POC1B: variants seen among roughly 807,000 people sequenced by gnomAD.
POC1B encodes the protein POC1 centriolar protein homolog B.
Under a neutral mutation model 60.6 loss-of-function variants are expected in POC1B, and 44 were observed. The observed-to-expected ratio is 0.73, with a 90% CI of 0.57 to 0.93. The LOEUF (loss-of-function observed/expected upper bound fraction) is 0.93. Ranked by LOEUF, POC1B falls within the 40% of genes least tolerant of loss-of-function variation. POC1B has a pLI of 0.00. For synonymous variants in POC1B, 180 were observed against 198.9 expected, an observed-to-expected ratio of 0.90 and a Z score of 0.80; for missense variants, 555 against 572.3, an observed-to-expected ratio of 0.97 and a Z score of 0.31.
downstream of POC1B, among the ~76,000 whole-genome samples, chr12:89,415,629 C>T (rs975383880): frequency 1.3e-5 from 2 of 149,014 alleles, no homozygotes; most frequent in South Asian, 2.1e-4. Flanking sequence ...GGCGACACAG[C>T]GAGACTCCGT....
intron 9 of POC1B, among the ~76,000 whole-genome samples, chr12:89,463,745 C>G (rs971085464): frequency 6.6e-6 from 1 of 152,072 alleles, no homozygotes; most frequent in Non-Finnish European, 1.5e-5. Flanking sequence ...ATATTTCATG[C>G]CTTCTTTCAT....
chr12:89,507,966 A>G (rs1196308856), intron 2 of POC1B, among the ~76,000 whole-genome samples: 1 of 152,232 alleles, frequency 6.6e-6, no homozygotes, highest in African/African-American at 2.4e-5. Context: ...TCAGTTGGTA[A>G]TATGTGTACC....
At chr12:89,449,858 A>G (rs577396349) in intron 10 of POC1B, among the ~76,000 whole-genome samples, 17 of 152,192 alleles carry the variant, frequency 1.1e-4, no homozygotes, top group Non-Finnish European at 2.1e-4. Flanking sequence ...ACAGAAGAGA[A>G]AGTCTCCAAA....
At chr12:89,434,138 CTAAATTTGCTGAAT>C (rs1023796651) in intron 10 of POC1B, among the ~76,000 whole-genome samples, 1 of 152,176 alleles carries the variant, frequency 6.6e-6, no homozygotes, top group Non-Finnish European at 1.5e-5. Context: ...GTCCTCCAAA[CTAAATTTGCTGAAT>C]TAAGACTTGT....
chr12:89,499,941 C>A (rs2135745775), intron 2 of POC1B, among the ~76,000 whole-genome samples: 1 of 152,386 alleles, frequency 6.6e-6, no homozygotes, highest in African/African-American at 2.4e-5. Context: ...TTCCAGATCG[C>A]AGCTCTTGCG....
chr12:89,410,604 TGA>T, the POC1B span, among the ~76,000 whole-genome samples: 2 of 149,784 alleles, frequency 1.3e-5, no homozygotes, highest in Non-Finnish European at 3.0e-5. Flanking sequence ...GGCGTGAACC[TGA>T]GAGGCGGAGC....
intron 4 of POC1B, among the ~76,000 whole-genome samples, chr12:89,478,366 G>A (rs376976979): frequency 1.0e-3 from 153 of 152,158 alleles, no homozygotes; most frequent in African/African-American, 3.5e-3. Flanking sequence ...TGATCCACCC[G>A]CCTCAGCCTC....
chr12:89,472,271 A>AC lies in POC1B; in HGVS notation c.456_457insG (p.Ser153ValfsTer11). 1 of 1,538,802 alleles carries AC rather than the reference A, an allele frequency of 6.5e-7. No homozygotes were observed. The highest frequency in any genetic ancestry group is 8.8e-7 in the Non-Finnish European group (1 of 1,139,108). ...GACACAATTAGTCTTCCATCGGGTG[A>AC]AAATCTAGAAAGAAGAAGAAAGAAG... is the stretch of plus-strand genomic sequence containing the variant. On this transcript the variant is annotated frameshift_variant, in exon 5 of 12. Transcript: ENST00000313546. LOFTEE classifies it high-confidence loss of function.
rs902809213 is a variant in POC1B at position 89,514,681 on chromosome 12, T to C, written c.100+10439A>G. 7.2e-5 allele frequency among the ~76,000 whole-genome samples: 11 copies of C among 152,122 alleles called. No individual in the cohort carries two copies. In the East Asian group the frequency reaches 9.7e-4, roughly 13 times the overall value. On this transcript the variant is annotated intron_variant, in intron 2 of 11. Coordinates refer to ENST00000313546, the MANE Select transcript of POC1B (RefSeq NM_172240.3). The stretch of plus-strand genomic sequence containing the variant: ...CCTCAGCCTCCCAAAGTGCTGGGAT[T>C]GCAGGCATAAGCCACTGCGCCCGGC...
intron 10 of POC1B, among the ~76,000 whole-genome samples, chr12:89,437,100 T>A (rs1276139449): frequency 6.6e-6 from 1 of 152,132 alleles, no homozygotes; most frequent in Non-Finnish European, 1.5e-5. Flanking sequence ...CCTCTCTTCA[T>A]CCCCTATGCT....
chr12:89,524,449 G>C (rs756637399), intron 2 of POC1B: 2 of 1,613,858 alleles, frequency 1.2e-6, no homozygotes. Context: ...TCCTGCGGAG[G>C]CATGAAAAGT....
intron 10 of POC1B, among the ~76,000 whole-genome samples, chr12:89,444,114 A>C (rs1052959186): frequency 4.6e-5 from 7 of 152,198 alleles, no homozygotes; most frequent in Middle Eastern, 3.2e-3. Context: ...AATAATTAAG[A>C]GCCTACCAAC....
intron 2 of POC1B, among the ~76,000 whole-genome samples, chr12:89,519,193 T>C (rs954926613): frequency 3.9e-5 from 6 of 152,330 alleles, no homozygotes; most frequent in Admixed American, 1.3e-4. Context: ...ATTTCTAGTT[T>C]GCTCATGAGT....
chr12:89,470,390 T>G lies in POC1B; in HGVS notation c.781A>C (p.Arg261=). The G allele has an allele frequency of 3.8e-6, 6 of 1,589,822 alleles. No individual in the cohort carries two copies. In the South Asian group the frequency reaches 6.8e-5, roughly 18 times the overall value. ...TGTCCTTGAAGTGTATAGATGAGCC[T>G]TCCTTCTAAGAGGTCCAGAATCTTA... ...TLKILDLLEG[R]LIYTLQGHTG... Residue 261 remains arginine (R), a synonymous_variant, in exon 7 of 12, where the codon AGG becomes CGG. Transcript: ENST00000313546.
At position 89,522,895 on chromosome 12, in the gene POC1B, C is replaced by T. The variant is rs533855790; in HGVS notation, c.100+2225G>A. The T allele has an allele frequency of 1.2e-5, 20 of 1,613,744 alleles. No individual in the cohort carries two copies. In the East Asian group the frequency reaches 1.3e-4, roughly 11 times the overall value. On this transcript the variant is annotated intron_variant, in intron 2 of 11. Coordinates refer to ENST00000313546, the MANE Select transcript of POC1B (RefSeq NM_172240.3). Reference sequence around the variant, plus strand: ...TACATCAGGTCGGCCCTCCGGTGTCCGATAAGCACTAAGACACAGTCCTGA... The same window carrying T: ...TACATCAGGTCGGCCCTCCGGTGTCTGATAAGCACTAAGACACAGTCCTGA...
At chr12:89,493,829 T>C (rs920966111) in intron 3 of POC1B, among the ~76,000 whole-genome samples, 1 of 152,154 alleles carries the variant, frequency 6.6e-6, no homozygotes, top group African/African-American at 2.4e-5. Flanking sequence ...CTGGATCCAG[T>C]CTCAACAGGA....
At chr12:89,481,901 C>T (rs74946744) in intron 4 of POC1B, among the ~76,000 whole-genome samples, 1,815 of 152,272 alleles carry the variant, frequency 0.012, 36 homozygotes, top group African/African-American at 0.042. Flanking sequence ...TAGATCCACC[C>T]TACACAGGCT....
chr12:89,523,198 C>T, intron 2 of POC1B: 3 of 1,613,978 alleles, frequency 1.9e-6, no homozygotes, highest in Non-Finnish European at 2.5e-6. Context: ...CGAGATCCCT[C>T]TACTGCGAAT....
chr12:89,524,749 C>T, intron 2 of POC1B: 1 of 642,512 alleles, frequency 1.6e-6, no homozygotes, highest in African/African-American at 1.8e-5. Flanking sequence ...CAGCCCAACT[C>T]CTCTCTCCCT....
Sources: allele counts gnomAD v4.1 joint callset (sites outside exome capture counted in the v4.1 genomes callset), GRCh38; gene constraint gnomAD v4.1.1; transcripts MANE v1.5; gene names NCBI Gene and HGNC (gene_info 2026-07-23, HGNC 2026-07-21).